FABP7: variants seen among roughly 807,000 people sequenced by gnomAD.
FABP7 encodes fatty acid binding protein 7.
Under a neutral mutation model 14.2 loss-of-function variants are expected in FABP7, and 13 were observed. The ratio of observed to expected loss-of-function variants is 0.91; its 90% CI spans 0.59 to 1.45. The LOEUF (loss-of-function observed/expected upper bound fraction) is 1.45, where lower values mean the gene tolerates loss of function less well. Ranked by LOEUF, FABP7 falls within the 40% of genes most tolerant of loss-of-function variation. FABP7 has a pLI of 0.00. For synonymous variants in FABP7, 49 were observed against 51.4 expected, an observed-to-expected ratio of 0.95 and a Z score of 0.20; for missense variants, 149 against 157.6, an observed-to-expected ratio of 0.95 and a Z score of 0.29.
At chr6:122,756,691 C>T in the FABP7 span, among the ~76,000 whole-genome samples, 1 of 152,166 alleles carries the variant, frequency 6.6e-6, no homozygotes, top group African/African-American at 2.4e-5. Context: ...CTTAGTTTCT[C>T]TTAAAGCCAC....
the FABP7 span, among the ~76,000 whole-genome samples, chr6:122,771,751 A>G: frequency 6.6e-6 from 1 of 152,256 alleles, no homozygotes; most frequent in Non-Finnish European, 1.5e-5. Flanking sequence ...GAAGAGGCTT[A>G]GATACCTTTC....
intron 3 of FABP7, chr6:122,781,495 T>G (rs1582520280): frequency 2.2e-6 from 3 of 1,370,426 alleles, no homozygotes. Flanking sequence ...TTTTGTAGGA[T>G]AACTATGGAT....
chr6:122,756,107 G>C, the FABP7 span, among the ~76,000 whole-genome samples: 1 of 152,170 alleles, frequency 6.6e-6, no homozygotes, highest in African/African-American at 2.4e-5. Context: ...ACGGGAGAGA[G>C]CAGATGATTA....
At chr6:122,763,265 C>T in the FABP7 span, among the ~76,000 whole-genome samples, 1 of 152,070 alleles carries the variant, frequency 6.6e-6, no homozygotes. Context: ...CTTTGACAAA[C>T]CTGACAAAAA....
At chr6:122,765,582 T>C in the FABP7 span, among the ~76,000 whole-genome samples, 98,017 of 151,946 alleles carry the variant, frequency 0.65, 34,766 homozygotes, top group Non-Finnish European at 0.82. Context: ...CTATTCAAAA[T>C]GTCTCTGCAT....
the FABP7 span, among the ~76,000 whole-genome samples, chr6:122,759,579 A>C: frequency 6.6e-6 from 1 of 152,232 alleles, no homozygotes; most frequent in Non-Finnish European, 1.5e-5. Context: ...CTTTATTTGT[A>C]GTAACTCATT....
In FABP7 at chr6:122,779,759, C is replaced by G. The variant is rs771814419; in HGVS notation, c.-36C>G. On this transcript the variant is annotated 5_prime_UTR_variant, in exon 1 of 4. It adds an upstream start codon to the 5' untranslated region. Transcript: ENST00000368444. ...TGCAGTGGCAATTAGACCAGAAGAT[C>G]CCCGCTCCTGTCTCTAAAGAGGGGA... is the stretch of plus-strand genomic sequence containing the variant. 4.4e-6 allele frequency: 7 copies of G among 1,606,234 alleles called. No individual in the cohort carries two copies. In the East Asian group the frequency reaches 1.6e-4, roughly 36 times the overall value.
At chr6:122,756,321 T>C in the FABP7 span, among the ~76,000 whole-genome samples, 1 of 152,242 alleles carries the variant, frequency 6.6e-6, no homozygotes, top group African/African-American at 2.4e-5. Flanking sequence ...ACCACCCTGA[T>C]TGAACTCCTA....
chr6:122,783,841 CA>C lies in FABP7; in HGVS notation c.*76del. 1 of 1,170,148 alleles carries C rather than the reference CA, an allele frequency of 8.5e-7. No individual in the cohort carries two copies. Among genetic ancestry groups the C allele is most frequent in the South Asian group, 1.4e-5 (1 of 71,002 alleles). The allele number at this position is 1,170,148 out of a possible 1,614,324, so 72.5% of individuals were successfully genotyped here. On this transcript the variant is annotated 3_prime_UTR_variant, in exon 4 of 4. Coordinates refer to ENST00000368444, the MANE Select transcript of FABP7 (RefSeq NM_001446.5). ...CTCAAGTCTCAGTGCTATCCTATTA[CA>C]ACATGGCTGATCATTAATTAGAAGG...
At chr6:122,761,946 A>G in the FABP7 span, among the ~76,000 whole-genome samples, 2 of 152,220 alleles carry the variant, frequency 1.3e-5, no homozygotes, top group African/African-American at 2.4e-5. Context: ...TTCACAGCCA[A>G]ATTCTACCAG....
Sources: gnomAD v4.1 joint callset for allele counts (sites outside exome capture counted in the v4.1 genomes callset) on GRCh38, gnomAD v4.1.1 for gene constraint, MANE v1.5 for transcripts, NCBI Gene and HGNC (gene_info 2026-07-23, HGNC 2026-07-21) for gene names.